Variants in ADGRG1 observed in about 807,000 individuals in gnomAD.
ADGRG1 encodes adhesion G protein-coupled receptor G1, also known as 7-transmembrane protein with no EGF-like N-terminal domains-1.
Under a neutral mutation model 73.5 loss-of-function variants are expected in ADGRG1, and 53 were observed. The observed-to-expected ratio is 0.72, with a 90% confidence interval of 0.58 to 0.91. The LOEUF (loss-of-function observed/expected upper bound fraction) is 0.91, where lower values mean the gene tolerates loss of function less well. Ranked by LOEUF, ADGRG1 falls within the 40% of genes least tolerant of loss-of-function variation. The pLI is 0.00. For synonymous variants in ADGRG1, 394 were observed against 374.4 expected, an observed-to-expected ratio of 1.05 and a Z score of -0.60; for missense variants, 795 against 871.8, an observed-to-expected ratio of 0.91 and a Z score of 1.11.
At chr16:57,660,734 C>A (rs372521137) in intron 11 of ADGRG1, 34 bp from the exon 12 acceptor site, 17 of 1,503,756 alleles carry the variant, frequency 1.1e-5, no homozygotes, top group Non-Finnish European at 1.5e-5. Context: ...CCTCAGAGAG[C>A]GGGAAGTAGA....
At chr16:57,653,165 C>G in intron 3 of ADGRG1, 38 bp from the exon 4 acceptor site, 3 of 1,601,830 alleles carry the variant, frequency 1.9e-6, no homozygotes, top group Middle Eastern at 1.8e-4. Flanking sequence ...GGACCTGAAT[C>G]GGCAGCCTCG....
At chr16:57,632,829 C>G in intron 1 of ADGRG1, 1 of 985,364 alleles carries the variant, frequency 1.0e-6, no homozygotes, top group Non-Finnish European at 1.2e-6. Flanking sequence ...TGGGAGATGG[C>G]CTGGCGGTGG....
chr16:57,631,724 C>T (rs2037979339), intron 1 of ADGRG1: 1 of 985,180 alleles, frequency 1.0e-6, no homozygotes, highest in East Asian at 1.1e-4. Flanking sequence ...GTCTCTCAAA[C>T]CGGGTGGGGC....
chr16:57,661,112 C>G (rs374935456), intron 12 of ADGRG1: 11 of 228,238 alleles, frequency 4.8e-5, no homozygotes, highest in Non-Finnish European at 8.0e-5. Flanking sequence ...CTCTGAGCCT[C>G]GGTTTCCTCA....
At chr16:57,635,960 T>TGCCCC (rs2039251246) in intron 1 of ADGRG1, 1 of 985,286 alleles carries the variant, frequency 1.0e-6, no homozygotes, top group East Asian at 1.1e-4. Flanking sequence ...CTCCCTGCCC[T>TGCCCC]GCCCCAGCTC....
intron 9 of ADGRG1, 25 bp from the exon 10 acceptor site, chr16:57,657,348 G>C (rs2045987735): frequency 1.9e-6 from 3 of 1,613,620 alleles, no homozygotes; most frequent in Middle Eastern, 1.6e-4. Context: ...ACAGAGGCCA[G>C]CTCTCTCCTG....
In ADGRG1 at chr16:57,657,462, T is replaced by C. The variant is rs1468340075; in HGVS notation, c.1257T>C (p.Leu419=). Residue 419 remains leucine (L), a synonymous_variant, in exon 10 of 14, where the codon CTT becomes CTC. Transcript: ENST00000562631. ...VGCVVSALAC[L]VTIAAYLCSR... ...GTGTCGTCTCTGCCCTGGCCTGCCT[T>C]GTCACCATTGCCGCCTACCTCTGCT... 1.2e-6 allele frequency: 2 copies of C among 1,613,920 alleles called. No individual in the cohort carries two copies. Among genetic ancestry groups the C allele is most frequent in the East Asian group, 4.5e-5 (2 of 44,868 alleles).
At chr16:57,656,655 G>C (rs762193803) in intron 9 of ADGRG1, 38 bp downstream of exon 9, 1 of 1,224,156 alleles carries the variant, frequency 8.2e-7, no homozygotes, top group African/African-American at 1.5e-5. Context: ...CCACACCCCA[G>C]GCCGTGTGCT....
At chr16:57,642,138 C>G (rs1597286734) in intron 1 of ADGRG1, 1 of 985,332 alleles carries the variant, frequency 1.0e-6, no homozygotes, top group Non-Finnish European at 1.2e-6. Flanking sequence ...TTCCAACATC[C>G]TGAGTGTCTT....
intron 11 of ADGRG1, chr16:57,660,519 AG>A: frequency 1.4e-6 from 1 of 711,860 alleles, no homozygotes; most frequent in Non-Finnish European, 1.7e-6. Context: ...CCTTTCTCCC[AG>A]GGGCCCCCAG....
chr16:57,653,015 C>T lies in ADGRG1; in HGVS notation c.488-188C>T, dbSNP rs1170870055. The T allele has an allele frequency of 4.1e-6, 6 of 1,453,670 alleles. No homozygotes were observed. In the African/African-American group the frequency reaches 5.7e-5, roughly 14 times the overall value. 90.0% of individuals were successfully genotyped at this position (1,453,670 alleles called of 1,614,324 possible). A position where few individuals can be genotyped will look rare whatever the true frequency, so the allele number is the denominator to read the frequency against. ...TGCTGGCGGGTTCTGTAAGACACAA[C>T]CCCCACGGGTTGGCCTCATCTGAGT... On this transcript the variant is annotated intron_variant, in intron 3 of 13. Transcript: ENST00000562631.
upstream of ADGRG1, chr16:57,619,867 G>A (rs1380561435): frequency 1.3e-5 from 2 of 152,380 alleles, no homozygotes; most frequent in Non-Finnish European, 2.9e-5. Context: ...GAGAGGTGCT[G>A]AAGTCCACGA....
rs1567755122 is a variant in ADGRG1, at chr16:57,651,474, T to C, written c.339T>C (p.Ser113=). The C allele has an allele frequency of 1.2e-6, 2 of 1,614,154 alleles. No homozygotes were observed. The highest frequency in any genetic ancestry group is 1.7e-6 in the Non-Finnish European group (2 of 1,180,018). ...ATGGCAAGCGTGACTTCTTGCTGAG[T>C]GACAAAGCCTCTAGCCTCCTCTGCT... ...LLYGKRDFLL[S]DKASSLLCFQ... is the part of the protein sequence containing the mutation. The change falls in exon 3 of 14, where the codon AGT becomes AGC. Residue 113 remains serine (S), a synonymous_variant. Transcript: ENST00000562631.
At chr16:57,632,455 ATGGG>A (rs2038225026) in intron 1 of ADGRG1, 19 of 447,786 alleles carry the variant, frequency 4.2e-5, no homozygotes, top group Non-Finnish European at 5.6e-5. Flanking sequence ...AGGAAAGCAT[ATGGG>A]AAAGTGCCTT....
chr16:57,654,639 G>A (rs1303804069), intron 5 of ADGRG1, among the ~76,000 whole-genome samples: 1 of 152,048 alleles, frequency 6.6e-6, no homozygotes, highest in East Asian at 1.9e-4. Context: ...CAGCATTTTG[G>A]GAGGCCGAGG....
At chr16:57,639,433 G>A (rs1306517611) in intron 1 of ADGRG1, 6 of 985,298 alleles carry the variant, frequency 6.1e-6, no homozygotes, top group African/African-American at 3.5e-5. Context: ...CTTCTCCCGC[G>A]CTGGCGGCTG....
chr16:57,648,434 C>A, intron 1 of ADGRG1: 1 of 980,670 alleles, frequency 1.0e-6, no homozygotes, highest in Non-Finnish European at 1.2e-6. Context: ...AGATGATGTG[C>A]CTATTTGACC....
chr16:57,624,665 C>T (rs1159274851), upstream of ADGRG1: 1 of 949,328 alleles, frequency 1.1e-6, no homozygotes, highest in Non-Finnish European at 1.3e-6. Context: ...TCCTCCTAGC[C>T]CTCCCAGCCC....
At chr16:57,628,078 G>T, upstream of ADGRG1, 1 of 985,234 alleles carries the variant, frequency 1.0e-6, no homozygotes, top group Non-Finnish European at 1.2e-6. Flanking sequence ...CCGGGGGGAC[G>T]CAGGTCAGCC....
Sources: allele counts gnomAD v4.1 joint callset (sites outside exome capture counted in the v4.1 genomes callset), GRCh38; gene constraint gnomAD v4.1.1; transcripts MANE v1.5; gene names NCBI Gene and HGNC (gene_info 2026-07-23, HGNC 2026-07-21).